Variants in DOCK9 observed in about 807,000 individuals in gnomAD.
DOCK9 encodes dedicator of cytokinesis 9, also known as dedicator of cytokinesis protein 9.
A neutral mutation model predicts 263.3 loss-of-function variants in DOCK9; 89 were observed. The ratio of observed to expected loss-of-function variants is 0.34; its 90% confidence interval spans 0.28 to 0.40. The LOEUF (loss-of-function observed/expected upper bound fraction) is 0.40. DOCK9 is among the 10% of genes least tolerant of loss of function. The pLI is 1.00. For missense variants in DOCK9, 2,140 were observed against 2,603.4 expected, an observed-to-expected ratio of 0.82 and a Z score of 3.87; for synonymous variants, 976 against 973.1, an observed-to-expected ratio of 1.00 and a Z score of -0.06.
At chr13:98,991,042 T>C (rs1397171548) in intron 1 of DOCK9, among the ~76,000 whole-genome samples, 3 of 151,672 alleles carry the variant, frequency 2.0e-5, no homozygotes, top group African/African-American at 4.8e-5. Context: ...GTACGATGTC[T>C]GAAAGTGGAC....
At chr13:98,997,042 T>C (rs890858248) in intron 1 of DOCK9, among the ~76,000 whole-genome samples, 5 of 152,166 alleles carry the variant, frequency 3.3e-5, no homozygotes, top group Admixed American at 2.6e-4. Context: ...AAAGGAGTAT[T>C]GGGAGATGTG....
intron 1 of DOCK9, among the ~76,000 whole-genome samples, chr13:98,992,857 C>G (rs1595852507): frequency 6.6e-6 from 1 of 152,140 alleles, no homozygotes; most frequent in Non-Finnish European, 1.5e-5. Context: ...AGGGAGCAAA[C>G]TTGAAAAGCA....
At chr13:99,015,539 T>G (rs1885270623) in intron 1 of DOCK9, 1 of 1,598,354 alleles carries the variant, frequency 6.3e-7, no homozygotes, top group East Asian at 2.2e-5. Flanking sequence ...TGTTTGCACA[T>G]ATAAGCACAG....
chr13:99,033,379 A>T (rs1887547027), intron 1 of DOCK9, among the ~76,000 whole-genome samples: 1 of 152,216 alleles, frequency 6.6e-6, no homozygotes, highest in South Asian at 2.1e-4. Context: ...AAATAGGATA[A>T]ACCATTTGTG....
chr13:98,888,832 T>A, intron 15 of DOCK9, 121 bp from the exon 16 acceptor site: 1 of 803,366 alleles, frequency 1.2e-6, no homozygotes, highest in Non-Finnish European at 2.0e-6. Context: ...AACATTCTAG[T>A]AGCCTCATGA....
At chr13:99,079,022 T>A (rs1376186156) in intron 1 of DOCK9, among the ~76,000 whole-genome samples, 2 of 152,210 alleles carry the variant, frequency 1.3e-5, no homozygotes, top group African/African-American at 4.8e-5. Flanking sequence ...ATATAAGAGA[T>A]TTATGCTAAA....
chr13:98,866,530 G>A (rs2094029282), intron 30 of DOCK9, among the ~76,000 whole-genome samples: 1 of 152,172 alleles, frequency 6.6e-6, no homozygotes, highest in South Asian at 2.1e-4. Flanking sequence ...AAATACCTGA[G>A]TACATACAAG....
chr13:99,048,525 C>T (rs535057220), intron 1 of DOCK9, among the ~76,000 whole-genome samples: 8 of 152,338 alleles, frequency 5.3e-5, no homozygotes, highest in Admixed American at 2.0e-4. Flanking sequence ...CTGGCTCACC[C>T]ACTCCACTCC....
At chr13:98,896,169 A>G (rs1020354729) in intron 15 of DOCK9, among the ~76,000 whole-genome samples, 1 of 152,234 alleles carries the variant, frequency 6.6e-6, no homozygotes, top group African/African-American at 2.4e-5. Flanking sequence ...AAACAGGGGA[A>G]ACATCAAGAC....
intron 20 of DOCK9, 171 bp from the exon 21 acceptor site, chr13:98,885,263 CTT>C: frequency 1.1e-6 from 1 of 930,868 alleles, no homozygotes; most frequent in African/African-American, 1.7e-5. Flanking sequence ...CTACAATGTA[CTT>C]AGGCCTTTTC....
intron 1 of DOCK9, among the ~76,000 whole-genome samples, chr13:99,084,883 G>A (rs2042268930): frequency 6.6e-6 from 1 of 152,214 alleles, no homozygotes; most frequent in South Asian, 2.1e-4. Context: ...CCACACAGAA[G>A]TTAGCTGGTT....
intron 32 of DOCK9, among the ~76,000 whole-genome samples, chr13:98,861,174 C>T (rs368242195): frequency 2.6e-5 from 4 of 152,104 alleles, no homozygotes; most frequent in Middle Eastern, 3.2e-3. Context: ...GTGAGATAAG[C>T]GAGGTGCACT....
intron 1 of DOCK9, among the ~76,000 whole-genome samples, chr13:99,052,761 A>G (rs1313740463): frequency 1.4e-5 from 2 of 147,042 alleles, no homozygotes; most frequent in African/African-American, 5.0e-5. Flanking sequence ...CCACCACACC[A>G]GCCTTCTTTT....
chr13:99,041,678 T>C (rs1324338478), intron 1 of DOCK9, among the ~76,000 whole-genome samples: 1 of 152,138 alleles, frequency 6.6e-6, no homozygotes, highest in Non-Finnish European at 1.5e-5. Context: ...CCACCAGAAT[T>C]TGTGAATGTG....
At chr13:98,813,171 T>C (rs1163335185) in intron 45 of DOCK9, among the ~76,000 whole-genome samples, 3 of 152,246 alleles carry the variant, frequency 2.0e-5, no homozygotes, top group Non-Finnish European at 4.4e-5. Context: ...GGATTTTCTC[T>C]TTATAACTAT....
intron 27 of DOCK9, among the ~76,000 whole-genome samples, chr13:98,869,746 G>T (rs2094139331): frequency 6.6e-6 from 1 of 152,250 alleles, no homozygotes; most frequent in Admixed American, 6.5e-5. Context: ...ATATTTTCCA[G>T]TCTAACTTAC....
chr13:98,927,194 C>G (rs768508066), intron 3 of DOCK9, among the ~76,000 whole-genome samples: 14 of 152,226 alleles, frequency 9.2e-5, no homozygotes, highest in Admixed American at 2.0e-4. Flanking sequence ...GATTTTTTTA[C>G]TCTGTAGTTA....
chr13:98,800,281 G>T lies in DOCK9; in HGVS notation c.5916+7C>A. 1.9e-6 allele frequency: 3 copies of T among 1,590,470 alleles called. No homozygotes were observed. The highest frequency in any genetic ancestry group is 2.6e-6 in the Non-Finnish European group (3 of 1,168,118). On this transcript the variant is annotated splice_region_variant and intron_variant, in intron 50 of 52. Coordinates refer to ENST00000682017, the MANE Select transcript of DOCK9 (RefSeq NM_001366683.2). The stretch of plus-strand genomic sequence containing the variant: ...TGCTGCCCTCCGGCCTGCTGTGCCT[G>T]GCTCACCTGAACACTCACGCTGCCC...
chr13:98,866,420 T>C (rs1366076160), intron 30 of DOCK9, among the ~76,000 whole-genome samples: 1 of 152,230 alleles, frequency 6.6e-6, no homozygotes, highest in Non-Finnish European at 1.5e-5. Flanking sequence ...ACAGACTGAA[T>C]GAATGCCTTA....
Sources: gnomAD v4.1 joint callset for allele counts (sites outside exome capture counted in the v4.1 genomes callset) on GRCh38, gnomAD v4.1.1 for gene constraint, MANE v1.5 for transcripts, NCBI Gene and HGNC (gene_info 2026-07-23, HGNC 2026-07-21) for gene names.